The following PDE1A variants were observed in gnomAD, a reference collection of about 807,000 sequenced individuals.
PDE1A encodes the protein dual specificity calcium/calmodulin-dependent 3',5'-cyclic nucleotide phosphodiesterase 1A.
A neutral mutation model predicts 61.7 loss-of-function variants in PDE1A; 35 were observed. The ratio of observed to expected loss-of-function variants is 0.57; its 90% confidence interval spans 0.43 to 0.75. The LOEUF (loss-of-function observed/expected upper bound fraction) is 0.75, where lower values mean the gene tolerates loss of function less well. PDE1A is among the 30% of genes least tolerant of loss of function. The probability of loss-of-function intolerance (pLI) is 0.00; values close to 1 mark genes in which losing one functional copy is unlikely to be tolerated. For missense variants in PDE1A, 597 were observed against 630.6 expected, an observed-to-expected ratio of 0.95 and a Z score of 0.57; for synonymous variants, 232 against 213.2, an observed-to-expected ratio of 1.09 and a Z score of -0.77.
At chr2:182,153,934 T>C (rs917117320) in intron 13 of PDE1A, among the ~76,000 whole-genome samples, 5 of 152,222 alleles carry the variant, frequency 3.3e-5, no homozygotes, top group African/African-American at 1.2e-4. Context: ...ATGGCTGCAC[T>C]TGAGTGTGAG....
At chr2:182,418,930 C>T (rs181468143) in intron 1 of PDE1A, among the ~76,000 whole-genome samples, 102 of 152,248 alleles carry the variant, frequency 6.7e-4, no homozygotes, top group Middle Eastern at 3.4e-3. Context: ...AGCTGACCCA[C>T]GGGCGCAGAT....
At chr2:182,418,558 TTTC>T (rs1190436172) in intron 1 of PDE1A, among the ~76,000 whole-genome samples, 1 of 152,278 alleles carries the variant, frequency 6.6e-6, no homozygotes, top group East Asian at 1.9e-4. Flanking sequence ...CTATGTGCTT[TTTC>T]TTCAACAGCG....
At chr2:182,211,962 T>C (rs1253408352) in intron 7 of PDE1A, among the ~76,000 whole-genome samples, 2 of 152,080 alleles carry the variant, frequency 1.3e-5, no homozygotes, top group Non-Finnish European at 2.9e-5. Context: ...ATTTTATTTC[T>C]CTCTTCCCAA....
intron 13 of PDE1A, among the ~76,000 whole-genome samples, chr2:182,155,334 T>C (rs1339036727): frequency 3.3e-5 from 5 of 152,008 alleles, no homozygotes; most frequent in African/African-American, 1.2e-4. Context: ...AGCAATCTGC[T>C]CATCTCGGCC....
downstream of PDE1A, chr2:182,167,823 A>T: frequency 1.4e-6 from 1 of 703,314 alleles, no homozygotes; most frequent in Non-Finnish European, 1.7e-6. Context: ...ATTAATGTAA[A>T]AGATAATTTT....
chr2:182,482,679 T>C (rs142497025), intron 2 of PDE1A, among the ~76,000 whole-genome samples: 4 of 152,078 alleles, frequency 2.6e-5, no homozygotes, highest in African/African-American at 9.6e-5. Flanking sequence ...CTGAAGCTAT[T>C]ATCCCCATCC....
chr2:182,161,840 T>C (rs1195658262), intron 13 of PDE1A, among the ~76,000 whole-genome samples: 1 of 152,158 alleles, frequency 6.6e-6, no homozygotes, highest in African/African-American at 2.4e-5. Flanking sequence ...ATGAGCCCAC[T>C]AAGCATATAT....
chr2:182,568,329 A>G, the PDE1A span, among the ~76,000 whole-genome samples: 1 of 152,214 alleles, frequency 6.6e-6, no homozygotes, highest in Non-Finnish European at 1.5e-5. Flanking sequence ...AACTTTGAAC[A>G]CCAAAATTAT....
intron 1 of PDE1A, among the ~76,000 whole-genome samples, chr2:182,391,256 T>C (rs867934943): frequency 6.6e-6 from 1 of 152,098 alleles, no homozygotes; most frequent in Admixed American, 6.5e-5. Flanking sequence ...TATATTGATA[T>C]GGGCCCTCCT....
At chr2:182,504,026 T>C (rs1689250088) in intron 2 of PDE1A, among the ~76,000 whole-genome samples, 1 of 152,232 alleles carries the variant, frequency 6.6e-6, no homozygotes, top group Non-Finnish European at 1.5e-5. Flanking sequence ...CAGTATAGTC[T>C]GGATGAATTT....
chr2:182,644,720 A>G, the PDE1A span, among the ~76,000 whole-genome samples: 1 of 152,044 alleles, frequency 6.6e-6, no homozygotes, highest in Non-Finnish European at 1.5e-5. Context: ...GTGATGAAAA[A>G]CTGTGACAAG....
the PDE1A span, among the ~76,000 whole-genome samples, chr2:182,646,836 T>C: frequency 6.6e-6 from 1 of 152,154 alleles, no homozygotes; most frequent in African/African-American, 2.4e-5. Context: ...CATAGGAGAC[T>C]CTTTTGAAAA....
intron 13 of PDE1A, among the ~76,000 whole-genome samples, chr2:182,180,156 C>T (rs939082451): frequency 1.3e-5 from 2 of 152,070 alleles, no homozygotes; most frequent in Non-Finnish European, 2.9e-5. Context: ...TAAAATTGAT[C>T]ACTATGTTAG....
intron 1 of PDE1A, among the ~76,000 whole-genome samples, chr2:182,273,986 C>T (rs558744711): frequency 2.0e-5 from 3 of 152,148 alleles, no homozygotes; most frequent in South Asian, 2.1e-4. Context: ...AATCCCTGAC[C>T]GAGGTGTTGG....
chr2:182,606,260 C>T, the PDE1A span, among the ~76,000 whole-genome samples: 1 of 152,192 alleles, frequency 6.6e-6, no homozygotes, highest in African/African-American at 2.4e-5. Context: ...CTCACTGCGA[C>T]CTCCACCTCC....
At chr2:182,163,076 C>T (rs1443258564), downstream of PDE1A, among the ~76,000 whole-genome samples, 1 of 152,130 alleles carries the variant, frequency 6.6e-6, no homozygotes, top group Non-Finnish European at 1.5e-5. Context: ...GTGATTTTCA[C>T]CATGTCCCCA....
intron 1 of PDE1A, among the ~76,000 whole-genome samples, chr2:182,351,674 G>GT (rs1698888572): frequency 2.0e-5 from 3 of 152,136 alleles, no homozygotes; most frequent in African/African-American, 7.2e-5. Flanking sequence ...GCACTTTACC[G>GT]TGACATTTGT....
intron 1 of PDE1A, among the ~76,000 whole-genome samples, chr2:182,376,868 A>G (rs1700438380): frequency 6.6e-6 from 1 of 152,186 alleles, no homozygotes; most frequent in Non-Finnish European, 1.5e-5. Context: ...AGGCAAAGAG[A>G]GAATGAGAAG....
intron 2 of PDE1A, among the ~76,000 whole-genome samples, chr2:182,521,183 T>C (rs908057948): frequency 7.9e-5 from 12 of 151,956 alleles, no homozygotes; most frequent in African/African-American, 2.9e-4. Context: ...CAGAAGGAAT[T>C]TTTACCTCTA....
Sources: gnomAD v4.1 joint callset for allele counts (sites outside exome capture counted in the v4.1 genomes callset) on GRCh38, gnomAD v4.1.1 for gene constraint, MANE v1.5 for transcripts, NCBI Gene and HGNC (gene_info 2026-07-23, HGNC 2026-07-21) for gene names.